The following SLC22A23 variants were observed in gnomAD, a reference collection of about 807,000 sequenced individuals.
The protein encoded by SLC22A23 is ion transporter protein.
Under a neutral mutation model 61.0 loss-of-function variants are expected in SLC22A23, and 26 were observed. The observed-to-expected ratio is 0.43, with a 90% confidence interval of 0.31 to 0.59. SLC22A23 has a LOEUF of 0.59. Among genes scored for constraint, SLC22A23 ranks in the 20% least tolerant of loss-of-function variants. The probability of loss-of-function intolerance (pLI) is 0.11; values close to 1 mark genes in which losing one functional copy is unlikely to be tolerated. For synonymous variants in SLC22A23, 430 were observed against 413.9 expected, an observed-to-expected ratio of 1.04 and a Z score of -0.47; for missense variants, 796 against 934.7, an observed-to-expected ratio of 0.85 and a Z score of 1.94.
Position 3,422,764 on chromosome 6 carries a change from A to AAATTGC in SLC22A23, c.655-6915_655-6910dup, listed in dbSNP as rs200905693. Among the ~76,000 whole-genome samples, 296 of 152,282 alleles carry AAATTGC rather than the reference A, an allele frequency of 1.9e-3. 1 individual carries two copies. In the East Asian group the frequency reaches 0.049, roughly 25 times the overall value. ...CTTTAATGAATATTAATTGCTGCTC[A>AAATTGC]AATTGCTCCTCATCTTTCCTTTTTT... is the stretch of plus-strand genomic sequence containing the variant. On this transcript the variant is annotated intron_variant, in intron 1 of 9. Transcript: ENST00000406686.
chr6:3,302,391 C>A (rs1311419252), intron 4 of SLC22A23, among the ~76,000 whole-genome samples: 3 of 151,990 alleles, frequency 2.0e-5, no homozygotes, highest in Admixed American at 1.3e-4. Flanking sequence ...CTTTTTGTTT[C>A]ATTGATCTTC....
At chr6:3,275,994 CCCAGGGTTCCCAGGTGGCCCTCATAAA>C (rs1284024339) in intron 9 of SLC22A23, among the ~76,000 whole-genome samples, 1 of 152,216 alleles carries the variant, frequency 6.6e-6, no homozygotes, top group African/African-American at 2.4e-5. Context: ...GGATGGGAGT[CCCAGGGTTCCCAGGTGGCCCTCATAAA>C]CCAGATATAC....
At chr6:3,289,640 TCA>T (rs1298192193) in intron 6 of SLC22A23, 122 bp downstream of exon 6, 13 of 762,510 alleles carry the variant, frequency 1.7e-5, no homozygotes, top group Admixed American at 2.7e-5. Flanking sequence ...GTGTCACTCT[TCA>T]CACACACACC....
intron 6 of SLC22A23, among the ~76,000 whole-genome samples, chr6:3,288,180 T>TG (rs1329482103): frequency 6.6e-6 from 1 of 152,204 alleles, no homozygotes; most frequent in Admixed American, 6.5e-5. Context: ...CAGGAACCTT[T>TG]GGGGTGTACC....
At chr6:3,296,779 G>C (rs1761139477) in intron 5 of SLC22A23, among the ~76,000 whole-genome samples, 1 of 152,142 alleles carries the variant, frequency 6.6e-6, no homozygotes, top group South Asian at 2.1e-4. Flanking sequence ...CACAAGTTGA[G>C]GCAGAGGGTG....
chr6:3,349,365 C>T (rs896396778), intron 3 of SLC22A23, among the ~76,000 whole-genome samples: 7 of 152,182 alleles, frequency 4.6e-5, no homozygotes, highest in African/African-American at 1.7e-4. Flanking sequence ...CCCTATCCCA[C>T]CTACCCGAGG....
At chr6:3,315,248 T>C (rs964181171) in intron 4 of SLC22A23, among the ~76,000 whole-genome samples, 2 of 152,022 alleles carry the variant, frequency 1.3e-5, no homozygotes. Context: ...GCCAGCAAGA[T>C]GCCCCATCTG....
rs578262347 is a variant in SLC22A23 at position 3,272,913 on chromosome 6, A to G, written c.*142T>C. On this transcript the variant is annotated 3_prime_UTR_variant, in exon 10 of 10. Coordinates refer to ENST00000406686, the MANE Select transcript of SLC22A23 (RefSeq NM_015482.2). ...ACCCGCGCTCCTTGGACTTTTGGAA[A>G]GACAGGATTTCCCCACACCAGTTGA... 1 of 735,908 alleles carries G rather than the reference A, an allele frequency of 1.4e-6. No homozygotes were observed. Among genetic ancestry groups the G allele is most frequent in the African/African-American group, 1.8e-5 (1 of 56,552 alleles). 45.6% of individuals were successfully genotyped at this position (735,908 alleles called of 1,614,324 possible).
intron 1 of SLC22A23, among the ~76,000 whole-genome samples, chr6:3,450,315 AT>A (rs781326195): frequency 5.3e-5 from 8 of 151,594 alleles, no homozygotes; most frequent in Non-Finnish European, 1.2e-4. Context: ...GTATTTTATT[AT>A]TTTTTTTTGA....
chr6:3,410,454 T>G lies in SLC22A23; in HGVS notation c.759-112A>C. 8.5e-7 allele frequency: 1 copy of G among 1,170,398 alleles called. No individual in the cohort carries two copies. The highest frequency in any genetic ancestry group is 1.2e-6 in the Non-Finnish European group (1 of 850,948). 72.5% of individuals were successfully genotyped at this position (1,170,398 alleles called of 1,614,324 possible). A position where few individuals can be genotyped will look rare whatever the true frequency, so the allele number is the denominator to read the frequency against. Reference sequence around the variant, plus strand: ...CAATATATGTTGAATGAGTACTGGGTAAAAAGTCCTGTGCCATCTATACCC... The same window carrying G: ...CAATATATGTTGAATGAGTACTGGGGAAAAAGTCCTGTGCCATCTATACCC... On this transcript the variant is annotated intron_variant, in intron 2 of 9. Coordinates refer to ENST00000406686, the MANE Select transcript of SLC22A23 (RefSeq NM_015482.2). The surrounding 1 kb of genome is among the most constrained non-coding windows in gnomAD (Gnocchi z 5.0).
intron 3 of SLC22A23, among the ~76,000 whole-genome samples, chr6:3,355,375 C>CA (rs1174518196): frequency 6.6e-6 from 1 of 152,094 alleles, no homozygotes; most frequent in Non-Finnish European, 1.5e-5. Flanking sequence ...GGAAGACAAG[C>CA]ATGCTGCTCG....
At chr6:3,381,628 C>G (rs1044704815) in intron 3 of SLC22A23, among the ~76,000 whole-genome samples, 2 of 152,210 alleles carry the variant, frequency 1.3e-5, no homozygotes, top group African/African-American at 4.8e-5. Flanking sequence ...GCCAAGCAAG[C>G]CTGGCCCAGC....
Position 3,281,042 on chromosome 6 carries a change from T to C in SLC22A23, c.1703+2810A>G, listed in dbSNP as rs563122458. Reference sequence around the variant, plus strand: ...CATGATCACCAGCGCCTGCCTCCTCTCTCACCTGGACCCCTCCGTGAGGGC... The same window carrying C: ...CATGATCACCAGCGCCTGCCTCCTCCCTCACCTGGACCCCTCCGTGAGGGC... On this transcript the variant is annotated intron_variant, in intron 9 of 9. Transcript: ENST00000406686. Among the ~76,000 whole-genome samples the C allele has an allele frequency of 3.9e-5, 6 of 152,236 alleles. No homozygotes were observed. The East Asian group carries it at 1.2e-3, about 30-fold the overall frequency.
rs778310883 is a variant in SLC22A23, at chr6:3,273,416, C to T, written c.1704-4G>A. The stretch of plus-strand genomic sequence containing the variant: ...CACCAGCCCCAGCCCGCCACACCTG[C>T]AGGGGGAGGGAAGCACAGGGATTGC... On this transcript the variant is annotated splice_region_variant and splice_polypyrimidine_tract_variant and intron_variant, in intron 9 of 9. Coordinates refer to ENST00000406686, the MANE Select transcript of SLC22A23 (RefSeq NM_015482.2). 1 of 1,612,062 alleles carries T rather than the reference C, an allele frequency of 6.2e-7. No homozygotes were observed. Among genetic ancestry groups the T allele is most frequent in the East Asian group, 2.2e-5 (1 of 44,874 alleles).
rs756322125 is a variant in SLC22A23 at position 3,324,530 on chromosome 6, G to A, written c.914-528C>T. On this transcript the variant is annotated intron_variant, in intron 3 of 9. Coordinates refer to ENST00000406686, the MANE Select transcript of SLC22A23 (RefSeq NM_015482.2). This position sits in a 1 kb window ranked among gnomAD's most constrained non-coding sequence, Gnocchi z 4.3. The stretch of plus-strand genomic sequence containing the variant: ...CACTCCAGGGCTCCTTGAGCACTCC[G>A]AGTTCCAGGCAACCTACTCACACTG... 2.0e-5 allele frequency among the ~76,000 whole-genome samples: 3 copies of A among 152,108 alleles called. No homozygotes were observed. The highest frequency in any genetic ancestry group is 2.9e-5 in the Non-Finnish European group (2 of 68,022).
At chr6:3,323,299 A>G (rs1236449763) in intron 4 of SLC22A23, 1 of 456,560 alleles carries the variant, frequency 2.2e-6, no homozygotes, top group East Asian at 6.9e-5. Flanking sequence ...GAATAGCCAG[A>G]AAGCAGCCAC....
chr6:3,438,151 A>G (rs1339339142), intron 1 of SLC22A23, among the ~76,000 whole-genome samples: 1 of 152,136 alleles, frequency 6.6e-6, no homozygotes, highest in Non-Finnish European at 1.5e-5. Context: ...CGTGTGCTAG[A>G]GGCACCAAGA....
intron 3 of SLC22A23, among the ~76,000 whole-genome samples, chr6:3,400,237 T>C (rs762806595): frequency 6.6e-6 from 1 of 152,200 alleles, no homozygotes; most frequent in Non-Finnish European, 1.5e-5. Flanking sequence ...AGAGAGGTAA[T>C]TTATTAAGCT....
chr6:3,428,976 C>T (rs62391789), intron 1 of SLC22A23, among the ~76,000 whole-genome samples: 45,818 of 151,984 alleles, frequency 0.3, 8,092 homozygotes, highest in East Asian at 0.47. Flanking sequence ...GTAGCCCCCT[C>T]TTCAAACGTA....
Sources: gnomAD v4.1 joint callset for allele counts (sites outside exome capture counted in the v4.1 genomes callset) on GRCh38, gnomAD v4.1.1 for gene constraint, Gnocchi (gnomAD v3.1) non-coding constraint, MANE v1.5 for transcripts, NCBI Gene and HGNC (gene_info 2026-07-23, HGNC 2026-07-21) for gene names.